The following ARHGAP24 variants were observed in gnomAD, a reference collection of about 807,000 sequenced individuals.
ARHGAP24 encodes Rho GTPase activating protein 24.
Under a neutral mutation model 76.4 loss-of-function variants are expected in ARHGAP24, and 50 were observed. That is an observed-to-expected ratio of 0.65 (90% CI 0.52 to 0.83). The LOEUF (loss-of-function observed/expected upper bound fraction) is 0.83, where lower values mean the gene tolerates loss of function less well. ARHGAP24 is among the 40% of genes least tolerant of loss of function. ARHGAP24 has a pLI of 0.00. For missense variants in ARHGAP24, 930 were observed against 914.2 expected (o/e 1.02, Z -0.22); for synonymous variants, 345 against 323.3 (o/e 1.07, Z -0.72).
intron 2 of ARHGAP24, among the ~76,000 whole-genome samples, chr4:85,592,860 C>T (rs931203959): frequency 6.6e-6 from 1 of 152,044 alleles, no homozygotes; most frequent in Admixed American, 6.5e-5. Context: ...CATTGCATAC[C>T]ACATTTTCTT....
chr4:85,553,540 C>A (rs556415411), intron 1 of ARHGAP24, among the ~76,000 whole-genome samples: 1 of 151,630 alleles, frequency 6.6e-6, no homozygotes, highest in Admixed American at 6.6e-5. Context: ...TAGAAAAGTT[C>A]TCCAAGTCCC....
At chr4:85,538,558 C>T (rs1191456958) in intron 1 of ARHGAP24, among the ~76,000 whole-genome samples, 5 of 152,148 alleles carry the variant, frequency 3.3e-5, no homozygotes, top group Non-Finnish European at 5.9e-5. Context: ...ATCCACTGAA[C>T]TGTGTATTCT....
intron 2 of ARHGAP24, among the ~76,000 whole-genome samples, chr4:85,663,313 T>C (rs1056115940): frequency 0.035 from 4,023 of 113,556 alleles, 249 homozygotes; most frequent in African/African-American, 0.11. Flanking sequence ...GATTTGGCTC[T>C]CTGTTTGTTT....
intron 5 of ARHGAP24, among the ~76,000 whole-genome samples, chr4:85,962,437 G>A (rs1738315662): frequency 6.6e-6 from 1 of 151,990 alleles, no homozygotes; most frequent in Non-Finnish European, 1.5e-5. Flanking sequence ...TGTGAGGTGA[G>A]AAAGAAGCTC....
intron 3 of ARHGAP24, among the ~76,000 whole-genome samples, chr4:85,851,549 G>A (rs943991726): frequency 6.6e-6 from 1 of 152,190 alleles, no homozygotes; most frequent in African/African-American, 2.4e-5. Context: ...AGCATCAACG[G>A]TCTTTACAAT....
intron 2 of ARHGAP24, among the ~76,000 whole-genome samples, chr4:85,674,187 A>G (rs908384585): frequency 2.0e-5 from 3 of 152,144 alleles, no homozygotes; most frequent in South Asian, 2.1e-4. Flanking sequence ...TTCGTTTCCA[A>G]CAGTTTTCCT....
chr4:85,780,632 G>C (rs145399908), intron 3 of ARHGAP24, among the ~76,000 whole-genome samples: 1 of 152,072 alleles, frequency 6.6e-6, no homozygotes, highest in African/African-American at 2.4e-5. Context: ...TTTTGTGCTG[G>C]GAGCAAGAAC....
intron 8 of ARHGAP24, among the ~76,000 whole-genome samples, chr4:85,982,027 G>A (rs138066105): frequency 3.9e-4 from 59 of 151,794 alleles, no homozygotes; most frequent in African/African-American, 1.3e-3. Flanking sequence ...GATTTGTCTC[G>A]ACCAACATGT....
intron 3 of ARHGAP24, chr4:85,722,239 T>C: frequency 2.4e-6 from 1 of 412,600 alleles, no homozygotes. Context: ...ACAGTATTTG[T>C]TCAGGACTAT....
At chr4:85,677,006 G>A (rs892816215) in intron 2 of ARHGAP24, among the ~76,000 whole-genome samples, 1 of 152,190 alleles carries the variant, frequency 6.6e-6, no homozygotes, top group Admixed American at 6.5e-5. Context: ...AGCCACACAG[G>A]GTGGAAGAAC....
chr4:85,743,392 CAAAAAAAAAAAAAAAAAAAAAAAAAA>C (rs774717006), intron 3 of ARHGAP24, among the ~76,000 whole-genome samples: 26 of 43,380 alleles, frequency 6.0e-4, no homozygotes, highest in African/African-American at 1.9e-3. Flanking sequence ...GATCCCATCT[CAAAAAAAAAAAAAAAAAAAAAAAAAA>C]AAAAAAAAAA....
chr4:85,919,439 A>T (rs982298042), intron 3 of ARHGAP24, among the ~76,000 whole-genome samples: 1 of 152,192 alleles, frequency 6.6e-6, no homozygotes, highest in Non-Finnish European at 1.5e-5. Flanking sequence ...TTATATCTAC[A>T]TAATTGTTTA....
chr4:85,782,166 C>T (rs1727597434), intron 3 of ARHGAP24, among the ~76,000 whole-genome samples: 3 of 151,880 alleles, frequency 2.0e-5, no homozygotes, highest in Admixed American at 6.6e-5. Flanking sequence ...AATTGAAACA[C>T]CGCTGTTTTA....
At chr4:85,639,756 A>G (rs926627869) in intron 2 of ARHGAP24, among the ~76,000 whole-genome samples, 8 of 151,770 alleles carry the variant, frequency 5.3e-5, no homozygotes, top group African/African-American at 1.9e-4. Context: ...AAGTAGTCCT[A>G]AAATTATGAA....
intron 1 of ARHGAP24, among the ~76,000 whole-genome samples, chr4:85,507,634 GTTTTC>G (rs1357554356): frequency 3.9e-5 from 6 of 152,148 alleles, no homozygotes; most frequent in African/African-American, 1.4e-4. Context: ...GGATAGTTCT[GTTTTC>G]TGACCTAAAA....
At chr4:85,847,508 G>A (rs533586169) in intron 3 of ARHGAP24, among the ~76,000 whole-genome samples, 2 of 152,274 alleles carry the variant, frequency 1.3e-5, no homozygotes, top group South Asian at 2.1e-4. Context: ...AACGGGTGGA[G>A]GAAAGTGTTC....
intron 2 of ARHGAP24, among the ~76,000 whole-genome samples, chr4:85,595,894 C>T: frequency 6.6e-6 from 1 of 151,914 alleles, no homozygotes; most frequent in South Asian, 2.1e-4. Flanking sequence ...TTAGGGTTGA[C>T]TTTGTAATGA....
intron 3 of ARHGAP24, among the ~76,000 whole-genome samples, chr4:85,813,843 T>TATATATATATATATATA: frequency 6.8e-6 from 1 of 146,362 alleles, no homozygotes; most frequent in African/African-American, 2.5e-5. Context: ...TATATATATA[T>TATATATATATATATATA]TTGTAGTTAG....
chr4:85,851,422 T>C (rs546177038), intron 3 of ARHGAP24, among the ~76,000 whole-genome samples: 11 of 152,342 alleles, frequency 7.2e-5, no homozygotes, highest in Admixed American at 5.9e-4. Flanking sequence ...TCTGTGTCTT[T>C]TAATTGGGGC....
Sources: allele counts gnomAD v4.1 joint callset (sites outside exome capture counted in the v4.1 genomes callset), GRCh38; gene constraint gnomAD v4.1.1; transcripts MANE v1.5; gene names NCBI Gene and HGNC (gene_info 2026-07-23, HGNC 2026-07-21).